Variants in GLB1L3 observed in about 807,000 individuals in gnomAD.
The protein encoded by GLB1L3 is beta-galactosidase-1-like protein 3.
A neutral mutation model predicts 89.5 loss-of-function variants in GLB1L3; 89 were observed. The observed-to-expected ratio is 0.99, with a 90% confidence interval of 0.84 to 1.19. The LOEUF (loss-of-function observed/expected upper bound fraction) is 1.19. Among genes scored for constraint, GLB1L3 ranks in the 50% most tolerant of loss-of-function variants. GLB1L3 has a pLI of 0.00. For synonymous variants in GLB1L3, 314 were observed against 312.3 expected (o/e 1.01, Z -0.06); for missense variants, 812 against 813.3 (o/e 1.00, Z 0.02).
chr11:134,289,290 CTCA>C (rs998042360), intron 7 of GLB1L3, among the ~76,000 whole-genome samples: 1 of 151,964 alleles, frequency 6.6e-6, no homozygotes, highest in Non-Finnish European at 1.5e-5. Flanking sequence ...GGTCTTTATC[CTCA>C]TCATCTTCAG....
rs1334704618 is a variant in GLB1L3 at position 134,308,404 on chromosome 11, TCAC to T, written c.961+1208_962-1208del. 2.2e-4 allele frequency among the ~76,000 whole-genome samples: 7 copies of T among 32,132 alleles called. 1 individual carries two copies. The East Asian group carries it at 4.0e-3, about 18-fold the overall frequency. 21.1% of individuals were successfully genotyped at this position (32,132 alleles called of 152,430 possible). A position where few individuals can be genotyped will look rare whatever the true frequency, so the allele number is the denominator to read the frequency against. On this transcript the variant is annotated intron_variant, in intron 10 of 19. Transcript: ENST00000431683. ...ATCACCACCATCACCACCATCACCA[TCAC>T]CACCACCACCATCATCACCATCACC...
intron 10 of GLB1L3, among the ~76,000 whole-genome samples, chr11:134,308,991 T>C (rs1434424299): frequency 6.6e-6 from 1 of 152,166 alleles, no homozygotes; most frequent in Admixed American, 6.5e-5. Context: ...AATGGAAGTT[T>C]TGTGGCTAAA....
intron 6 of GLB1L3, among the ~76,000 whole-genome samples, chr11:134,284,286 T>G (rs976179282): frequency 1.3e-5 from 2 of 151,908 alleles, no homozygotes; most frequent in East Asian, 3.9e-4. Context: ...TTTTTAGAGA[T>G]TTTATCAGCA....
At chr11:134,321,917 A>G (rs1353917447), downstream of GLB1L3, among the ~76,000 whole-genome samples, 1 of 129,424 alleles carries the variant, frequency 7.7e-6, no homozygotes, top group Admixed American at 8.1e-5. Context: ...TTAAAGTATA[A>G]TAAAAAAAAA....
intron 16 of GLB1L3, 75 bp downstream of exon 16, chr11:134,313,549 G>C (rs1262907502): frequency 3.0e-6 from 3 of 993,308 alleles, no homozygotes; most frequent in Non-Finnish European, 3.0e-6. Flanking sequence ...TCGGGGGCGG[G>C]AGAGGGTGGG....
At chr11:134,308,549 A>AC in intron 10 of GLB1L3, among the ~76,000 whole-genome samples, 1 of 31,622 alleles carries the variant, frequency 3.2e-5, no homozygotes, top group African/African-American at 8.3e-5. Flanking sequence ...CACCATCACC[A>AC]TCACCATCAC....
At chr11:134,286,639 T>A (rs543830684) in intron 6 of GLB1L3, among the ~76,000 whole-genome samples, 37 of 150,224 alleles carry the variant, frequency 2.5e-4, no homozygotes, top group Admixed American at 2.4e-3. Flanking sequence ...TAGCCGGGCG[T>A]GGTGGCGGGC....
chr11:134,290,957 G>A (rs893156778), intron 7 of GLB1L3, among the ~76,000 whole-genome samples: 1 of 151,968 alleles, frequency 6.6e-6, no homozygotes. Flanking sequence ...TTTGATCATG[G>A]GGTGTCAGAA....
intron 7 of GLB1L3, among the ~76,000 whole-genome samples, chr11:134,291,132 G>A (rs756512337): frequency 2.0e-5 from 3 of 152,082 alleles, no homozygotes; most frequent in Non-Finnish European, 4.4e-5. Flanking sequence ...TTTAGTTTCC[G>A]ATTTCCTCAT....
At chr11:134,312,103 C>T (rs2136222162) in intron 13 of GLB1L3, 1 of 439,160 alleles carries the variant, frequency 2.3e-6, no homozygotes, top group African/African-American at 2.0e-5. Context: ...CATCCATTTC[C>T]TCTGTTAATC....
At chr11:134,279,430 G>A (rs1462289093) in intron 3 of GLB1L3, among the ~76,000 whole-genome samples, 7 of 138,122 alleles carry the variant, frequency 5.1e-5, no homozygotes, top group African/African-American at 1.6e-4. Context: ...GCAGTGGCGC[G>A]ATCTCTGCTC....
At chr11:134,294,442 A>C (rs778732227) in intron 9 of GLB1L3, among the ~76,000 whole-genome samples, 16 of 152,172 alleles carry the variant, frequency 1.1e-4, no homozygotes, top group Non-Finnish European at 2.1e-4. Flanking sequence ...ATCTGTGGCT[A>C]TCTCTAGTTT....
chr11:134,308,203 TACCACCACCACCATCACCATC>T (rs1942322007), intron 10 of GLB1L3, among the ~76,000 whole-genome samples: 3 of 30,684 alleles, frequency 9.8e-5, no homozygotes, highest in Admixed American at 6.8e-4. Context: ...CCATCACCAC[TACCACCACCACCATCACCATC>T]ACCACCACCA....
intron 13 of GLB1L3, 165 bp from the exon 14 acceptor site, chr11:134,312,184 A>G (rs1208936235): frequency 2.9e-6 from 2 of 678,632 alleles, no homozygotes; most frequent in South Asian, 2.2e-5. Flanking sequence ...CTTCCTGGGC[A>G]GTGGAGACGT....
intron 15 of GLB1L3, 74 bp downstream of exon 15, chr11:134,312,961 C>T (rs936941131): frequency 2.8e-6 from 3 of 1,065,628 alleles, no homozygotes; most frequent in Admixed American, 3.9e-5. Context: ...CTGAGACAGT[C>T]AGCCTCCCTT....
In GLB1L3 at chr11:134,292,883, T is replaced by C. The variant is rs529046923; in HGVS notation, c.812-262T>C. ...CTGTGTCCCGTTTCCAGTCTAATCATGTCAGGGAGCCTTGGCCTGGCTCAC... is the reference window on the plus strand; with the variant it reads ...CTGTGTCCCGTTTCCAGTCTAATCACGTCAGGGAGCCTTGGCCTGGCTCAC... On this transcript the variant is annotated intron_variant, in intron 8 of 19. Coordinates refer to ENST00000431683, the MANE Select transcript of GLB1L3 (RefSeq NM_001080407.3). 246 of 553,090 alleles carry C rather than the reference T, an allele frequency of 4.4e-4. 2 individuals carry two copies. The highest frequency in any genetic ancestry group is 1.1e-3 in the South Asian group (56 of 48,856). The allele number at this position is 553,090 out of a possible 1,614,324, so 34.3% of individuals were successfully genotyped here. A position where few individuals can be genotyped will look rare whatever the true frequency, so the allele number is the denominator to read the frequency against.
chr11:134,308,456 C>T (rs1942465155), intron 10 of GLB1L3, among the ~76,000 whole-genome samples: 4 of 46,732 alleles, frequency 8.6e-5, no homozygotes, highest in Admixed American at 1.8e-4. Context: ...TCACCACCAC[C>T]ACCACCACCA....
At chr11:134,283,591 C>T in intron 5 of GLB1L3, 146 bp from the exon 6 acceptor site, 1 of 583,510 alleles carries the variant, frequency 1.7e-6, no homozygotes, top group East Asian at 2.9e-5. Context: ...TCACGCGGCA[C>T]AGATCTTTCC....
At chr11:134,311,817 G>C (rs1434590391) in intron 13 of GLB1L3, 2 of 152,006 alleles carry the variant, frequency 1.3e-5, no homozygotes, top group Admixed American at 6.6e-5. Context: ...TTTTTCTTGA[G>C]ACAGGGTCTT....
Sources: allele counts gnomAD v4.1 joint callset (sites outside exome capture counted in the v4.1 genomes callset), GRCh38; gene constraint gnomAD v4.1.1; transcripts MANE v1.5; gene names NCBI Gene and HGNC (gene_info 2026-07-23, HGNC 2026-07-21).